The following DOCK3 variants were observed in gnomAD, a reference collection of about 807,000 sequenced individuals.
The protein encoded by DOCK3 is dedicator of cytokinesis protein 3.
A neutral mutation model predicts 265.6 loss-of-function variants in DOCK3; 60 were observed. That is an observed-to-expected ratio of 0.23 (90% CI 0.18 to 0.28). The LOEUF is 0.28. DOCK3 is among the 10% of genes least tolerant of loss of function. The pLI, the probability that DOCK3 is intolerant of heterozygous loss-of-function variation, is 1.00. For missense variants in DOCK3, 1,981 were observed against 2,594.3 expected (o/e 0.76, Z 5.14); for synonymous variants, 881 against 938.0 (o/e 0.94, Z 1.11).
At chr3:51,042,899 A>G (rs1400937151) in intron 5 of DOCK3, among the ~76,000 whole-genome samples, 1 of 152,176 alleles carries the variant, frequency 6.6e-6, no homozygotes, top group Non-Finnish European at 1.5e-5. Context: ...AGGTTGAAAG[A>G]TCTCTACAAA....
At chr3:50,802,665 G>T (rs1189526973) in intron 2 of DOCK3, among the ~76,000 whole-genome samples, 1 of 151,918 alleles carries the variant, frequency 6.6e-6, no homozygotes, top group Non-Finnish European at 1.5e-5. Flanking sequence ...AGTTTCCTTT[G>T]TATGTGACTT....
chr3:51,295,521 T>C (rs549738167), intron 27 of DOCK3, among the ~76,000 whole-genome samples: 4 of 152,254 alleles, frequency 2.6e-5, no homozygotes, highest in African/African-American at 9.6e-5. Context: ...TCCAAACCAT[T>C]GCAAATGTAG....
intron 27 of DOCK3, among the ~76,000 whole-genome samples, chr3:51,307,887 T>TG (rs1277046591): frequency 4.7e-5 from 7 of 149,924 alleles, no homozygotes; most frequent in African/African-American, 1.7e-4. Flanking sequence ...GGGTTTTTTT[T>TG]TTTGTTTTTT....
intron 5 of DOCK3, among the ~76,000 whole-genome samples, chr3:51,012,207 G>A (rs544396923): frequency 6.6e-5 from 10 of 152,138 alleles, no homozygotes; most frequent in East Asian, 5.8e-4. Flanking sequence ...GTTCAGCTAT[G>A]CCCTGCCCAA....
chr3:51,236,078 C>T (rs893212074), intron 19 of DOCK3, among the ~76,000 whole-genome samples: 2 of 152,174 alleles, frequency 1.3e-5, no homozygotes, highest in African/African-American at 4.8e-5. Context: ...ATTGCCCTTT[C>T]CTTAGAAATG....
At chr3:51,267,363 C>T (rs534270981) in intron 23 of DOCK3, among the ~76,000 whole-genome samples, 25 of 151,370 alleles carry the variant, frequency 1.7e-4, no homozygotes, top group South Asian at 4.2e-4. Context: ...AAGACACATG[C>T]GCACGTATGG....
chr3:51,346,489 A>G (rs531450498), intron 38 of DOCK3, among the ~76,000 whole-genome samples: 1 of 152,284 alleles, frequency 6.6e-6, no homozygotes, highest in South Asian at 2.1e-4. Flanking sequence ...TTATGGCAGC[A>G]TAGTATTCCA....
Position 51,361,493 on chromosome 3 carries a change from G to T in DOCK3, c.5007-366G>T, listed in dbSNP as rs1010799121. On this transcript the variant is annotated intron_variant, in intron 47 of 52. Transcript: ENST00000266037. This position sits in a 1 kb window ranked among gnomAD's most constrained non-coding sequence, Gnocchi z 4.2. ...ATGGTGTGGGGGGGTTGGGGGGTGG[G>T]CACTGACCCAGACTAATACCCCATA... Among the ~76,000 whole-genome samples, 2 of 151,284 alleles carry T rather than the reference G, an allele frequency of 1.3e-5. No individual in the cohort carries two copies. The highest frequency in any genetic ancestry group is 3.0e-5 in the Non-Finnish European group (2 of 67,774).
intron 22 of DOCK3, among the ~76,000 whole-genome samples, chr3:51,256,587 G>GTTTTTTTT (rs369826497): frequency 7.4e-6 from 1 of 135,590 alleles, no homozygotes; most frequent in African/African-American, 2.8e-5. Context: ...TTGAGTTTTC[G>GTTTTTTTT]TTTTTGTTTT....
intron 5 of DOCK3, among the ~76,000 whole-genome samples, chr3:51,046,937 G>A (rs9865977): frequency 0.9 from 137,212 of 152,178 alleles, 62,051 homozygotes; most frequent in African/African-American, 0.95. Flanking sequence ...CTCTTGAATA[G>A]TTATTAGGTC....
chr3:51,379,930 G>A (rs2088483047), intron 51 of DOCK3, among the ~76,000 whole-genome samples, 195 bp from the exon 52 acceptor site: 1 of 152,228 alleles, frequency 6.6e-6, no homozygotes, highest in Non-Finnish European at 1.5e-5. Flanking sequence ...TTCCTGTGTG[G>A]AGTGAGTTTC....
intron 2 of DOCK3, among the ~76,000 whole-genome samples, chr3:50,815,106 A>G (rs1434980331): frequency 6.6e-6 from 1 of 152,174 alleles, no homozygotes; most frequent in African/African-American, 2.4e-5. Context: ...TACAGGTGTG[A>G]GCCACCGCGC....
chr3:51,150,720 G>A (rs1450329027), intron 10 of DOCK3, among the ~76,000 whole-genome samples: 1 of 152,160 alleles, frequency 6.6e-6, no homozygotes, highest in Non-Finnish European at 1.5e-5. Context: ...TGTGATTTCT[G>A]TTCTTTTACA....
At chr3:51,041,204 A>ATT (rs1183149090) in intron 5 of DOCK3, among the ~76,000 whole-genome samples, 25 of 14,766 alleles carry the variant, frequency 1.7e-3, no homozygotes, top group South Asian at 5.8e-3. Flanking sequence ...ATATATATAT[A>ATT]TTTTTTTTTT....
intron 1 of DOCK3, among the ~76,000 whole-genome samples, chr3:50,757,665 G>A (rs1236775167): frequency 6.6e-6 from 1 of 151,448 alleles, no homozygotes; most frequent in Non-Finnish European, 1.5e-5. Context: ...TATGTTCTTG[G>A]TTTCACATCT....
At chr3:50,979,611 A>G (rs1349866398) in intron 5 of DOCK3, among the ~76,000 whole-genome samples, 2 of 152,212 alleles carry the variant, frequency 1.3e-5, no homozygotes, top group Non-Finnish European at 2.9e-5. Flanking sequence ...CCCGAAACAG[A>G]TGCTGGTGCC....
At chr3:50,979,689 A>G (rs1206855778) in intron 5 of DOCK3, among the ~76,000 whole-genome samples, 2 of 152,168 alleles carry the variant, frequency 1.3e-5, no homozygotes, top group Non-Finnish European at 2.9e-5. Context: ...TAAATTACCC[A>G]GCCTCAGGTA....
chr3:51,319,373 T>C (rs1472100063), intron 32 of DOCK3, among the ~76,000 whole-genome samples: 1 of 143,650 alleles, frequency 7.0e-6, no homozygotes, highest in Non-Finnish European at 1.5e-5. Context: ...GCCTTCTAAA[T>C]GTGCAAAATG....
In DOCK3 at chr3:51,355,274, AG is replaced by A. The variant is rs1334024233; in HGVS notation, c.4249+253del. Among the ~76,000 whole-genome samples the A allele has an allele frequency of 3.9e-5, 6 of 152,340 alleles. No homozygotes were observed. In the East Asian group the frequency reaches 1.2e-3, roughly 29 times the overall value. On this transcript the variant is annotated intron_variant, in intron 41 of 52. Coordinates refer to ENST00000266037, the MANE Select transcript of DOCK3 (RefSeq NM_004947.5). ...GGCTTCAGGAAGGCCTTTATCCCTC[AG>A]GCTGGCTGCTTCCAACAGCTTAATC...
Sources: gnomAD v4.1 joint callset for allele counts (sites outside exome capture counted in the v4.1 genomes callset) on GRCh38, gnomAD v4.1.1 for gene constraint, Gnocchi (gnomAD v3.1) non-coding constraint, MANE v1.5 for transcripts, NCBI Gene and HGNC (gene_info 2026-07-23, HGNC 2026-07-21) for gene names.